The following MCTP1 variants were observed in gnomAD, a reference collection of about 807,000 sequenced individuals.
MCTP1 encodes the protein multiple C2 and transmembrane domain containing 1.
MCTP1 carries 69 observed loss-of-function variants against 120.6 expected under a neutral mutation model. The observed-to-expected ratio is 0.57, with a 90% CI of 0.47 to 0.70. The LOEUF (loss-of-function observed/expected upper bound fraction) is 0.70, where lower values mean the gene tolerates loss of function less well. Among genes scored for constraint, MCTP1 ranks in the 30% least tolerant of loss-of-function variants. The pLI is 0.00. For missense variants in MCTP1, 1,203 were observed against 1,248.8 expected, an observed-to-expected ratio of 0.96 and a Z score of 0.55; for synonymous variants, 529 against 493.1, an observed-to-expected ratio of 1.07 and a Z score of -0.96.
chr5:95,063,180 C>T (rs2347479), intron 1 of MCTP1, among the ~76,000 whole-genome samples: 140,961 of 152,282 alleles, frequency 0.93, 66,252 homozygotes, highest in East Asian at 1. Context: ...TTCCCCAACA[C>T]TGATAGAGAA....
At chr5:95,074,906 ATGT>A (rs529607009) in intron 1 of MCTP1, among the ~76,000 whole-genome samples, 295 of 152,358 alleles carry the variant, frequency 1.9e-3, no homozygotes, top group African/African-American at 6.8e-3. Context: ...CTGTTGACTG[ATGT>A]TGTAAAAAGA....
At chr5:94,931,211 G>A (rs1161638675) in intron 6 of MCTP1, 1 of 151,992 alleles carries the variant, frequency 6.6e-6, no homozygotes, top group Non-Finnish European at 1.5e-5. Context: ...ATGTTCCAGG[G>A]TCTAAAAAAA....
chr5:95,043,558 T>C (rs1842692756), intron 1 of MCTP1, among the ~76,000 whole-genome samples: 1 of 152,190 alleles, frequency 6.6e-6, no homozygotes, highest in South Asian at 2.1e-4. Flanking sequence ...CATGAAAATA[T>C]TGCAAATCCA....
At chr5:94,788,133 C>T (rs1778140733) in intron 18 of MCTP1, among the ~76,000 whole-genome samples, 1 of 152,146 alleles carries the variant, frequency 6.6e-6, no homozygotes, top group Non-Finnish European at 1.5e-5. Context: ...AACTGACTTT[C>T]TCTTGTTTAA....
intron 18 of MCTP1, among the ~76,000 whole-genome samples, chr5:94,783,573 G>A (rs1320642977): frequency 6.6e-6 from 1 of 152,038 alleles, no homozygotes; most frequent in Non-Finnish European, 1.5e-5. Context: ...GAGGTGACCA[G>A]AAGGATGCAG....
chr5:94,931,124 A>T (rs1258085543), intron 6 of MCTP1: 7 of 152,136 alleles, frequency 4.6e-5, no homozygotes, highest in African/African-American at 1.7e-4. Context: ...ATTAATTCAC[A>T]GTAATAAAAA....
In MCTP1 at chr5:95,278,962, C is replaced by CAAAAAAA. The variant is rs113219166; in HGVS notation, c.720+4887_720+4893dup. Among the ~76,000 whole-genome samples, 15 of 80,954 alleles carry CAAAAAAA rather than the reference C, an allele frequency of 1.9e-4. No homozygotes were observed. The South Asian group carries it at 5.9e-3, about 32-fold the overall frequency. 53.1% of individuals were successfully genotyped at this position (80,954 alleles called of 152,430 possible). The stretch of plus-strand genomic sequence containing the variant: ...GGGCAACAAGAGCAAAACTCCGTCT[C>CAAAAAAA]AAAAAAAAAAAAAAAAATTATTTTC... On this transcript the variant is annotated intron_variant, in intron 1 of 22. Coordinates refer to ENST00000515393, the MANE Select transcript of MCTP1 (RefSeq NM_024717.7).
intron 17 of MCTP1, among the ~76,000 whole-genome samples, chr5:94,833,220 G>A (rs1342079836): frequency 6.6e-6 from 1 of 151,734 alleles, no homozygotes. Flanking sequence ...TTGGCATTAT[G>A]TTTTATTTTA....
At chr5:95,239,615 T>C (rs928831279) in intron 1 of MCTP1, among the ~76,000 whole-genome samples, 1 of 152,196 alleles carries the variant, frequency 6.6e-6, no homozygotes, top group South Asian at 2.1e-4. Context: ...GTTAAAGATG[T>C]TCAATGACTT....
intron 19 of MCTP1, among the ~76,000 whole-genome samples, chr5:94,759,708 T>A (rs1770820383): frequency 6.6e-6 from 1 of 152,090 alleles, no homozygotes; most frequent in African/African-American, 2.4e-5. Context: ...CAGCCTAATA[T>A]CATTGCCAGG....
At position 95,017,502 on chromosome 5, in the gene MCTP1, T is replaced by A; in HGVS notation, c.721-18A>T. On this transcript the variant is annotated intron_variant, in intron 1 of 22. Coordinates refer to ENST00000515393, the MANE Select transcript of MCTP1 (RefSeq NM_024717.7). ...ATTATTTTCTGGAAAACACGAAATA[T>A]AAAAAATATTAAATTTATTATCTCT... 2.7e-6 allele frequency: 4 copies of A among 1,484,730 alleles called. No individual in the cohort carries two copies. Among genetic ancestry groups the A allele is most frequent in the Admixed American group, 1.8e-5 (1 of 55,690 alleles). 92.0% of individuals were successfully genotyped at this position (1,484,730 alleles called of 1,614,324 possible).
chr5:94,950,320 CT>C (rs1256624352), intron 3 of MCTP1, among the ~76,000 whole-genome samples: 5 of 149,470 alleles, frequency 3.3e-5, no homozygotes, highest in Non-Finnish European at 7.5e-5. Flanking sequence ...GTATCCTCTT[CT>C]GTATGGTAGA....
At chr5:94,985,081 C>T (rs1830214627) in intron 2 of MCTP1, among the ~76,000 whole-genome samples, 1 of 152,068 alleles carries the variant, frequency 6.6e-6, no homozygotes, top group Admixed American at 6.6e-5. Flanking sequence ...TTATAAATCT[C>T]CAAGTCCTTC....
At chr5:95,240,170 A>G (rs956813585) in intron 1 of MCTP1, among the ~76,000 whole-genome samples, 4 of 152,200 alleles carry the variant, frequency 2.6e-5, no homozygotes, top group African/African-American at 9.6e-5. Context: ...GTATCTCTTA[A>G]TGTTTGTACA....
intron 1 of MCTP1, among the ~76,000 whole-genome samples, chr5:95,166,617 G>C (rs1326930549): frequency 2.7e-5 from 4 of 148,988 alleles, no homozygotes; most frequent in African/African-American, 7.5e-5. Context: ...ACCCAGGCTG[G>C]GGTGCAGTGG....
At chr5:95,252,812 G>A (rs1478825990) in intron 1 of MCTP1, among the ~76,000 whole-genome samples, 1 of 151,502 alleles carries the variant, frequency 6.6e-6, no homozygotes, top group Non-Finnish European at 1.5e-5. Flanking sequence ...TCTTTGCTTT[G>A]ACAAAAAAAG....
intron 1 of MCTP1, among the ~76,000 whole-genome samples, chr5:95,252,136 T>C (rs143418390): frequency 0.02 from 3,056 of 152,170 alleles, 98 homozygotes; most frequent in African/African-American, 0.069. Flanking sequence ...CAATGACTAG[T>C]CCTCAAGGAA....
chr5:95,003,587 T>C (rs575854107), intron 2 of MCTP1, among the ~76,000 whole-genome samples: 9 of 152,348 alleles, frequency 5.9e-5, no homozygotes, highest in African/African-American at 1.9e-4. Flanking sequence ...ATGAGTGATA[T>C]TGTTTTGCAT....
At chr5:94,857,468 G>A (rs756996680) in intron 17 of MCTP1, among the ~76,000 whole-genome samples, 2 of 151,612 alleles carry the variant, frequency 1.3e-5, no homozygotes, top group African/African-American at 2.4e-5. Context: ...CAGTGCCTTT[G>A]GAGAGCCATG....
Sources: allele counts gnomAD v4.1 joint callset (sites outside exome capture counted in the v4.1 genomes callset), GRCh38; gene constraint gnomAD v4.1.1; transcripts MANE v1.5; gene names NCBI Gene and HGNC (gene_info 2026-07-23, HGNC 2026-07-21).